The following METTL8 variants were observed in gnomAD, a reference collection of about 807,000 sequenced individuals.
The protein encoded by METTL8 is tRNA N(3)-cytidine methyltransferase METTL8, mitochondrial.
A neutral mutation model predicts 48.7 loss-of-function variants in METTL8; 32 were observed. That is an observed-to-expected ratio of 0.66 (90% CI 0.50 to 0.88). METTL8 has a LOEUF of 0.88. Ranked by LOEUF, METTL8 falls within the 40% of genes least tolerant of loss-of-function variation. The pLI, the probability that METTL8 is intolerant of heterozygous loss-of-function variation, is 0.00. For missense variants in METTL8, 464 were observed against 474.4 expected (o/e 0.98, Z 0.20); for synonymous variants, 136 against 157.1 (o/e 0.87, Z 1.01).
chr2:171,326,676 A>G (rs1684994934), intron 7 of METTL8, among the ~76,000 whole-genome samples: 1 of 152,024 alleles, frequency 6.6e-6, no homozygotes, highest in Admixed American at 6.5e-5. Context: ...TGTCCTCTCC[A>G]TGTGGCCATA....
In METTL8 at chr2:171,326,566, G is replaced by A. The variant is rs539853735; in HGVS notation, c.861-418C>T. 1.2e-3 allele frequency among the ~76,000 whole-genome samples: 179 copies of A among 152,318 alleles called. 1 individual carries two copies. Among genetic ancestry groups the A allele is most frequent in the African/African-American group, 4.0e-3 (168 of 41,568 alleles). ...ATCCCAAGTTGTACATATCTAAAGA[G>A]GGAATATCTTTCCTCCAAAACGAGC... On this transcript the variant is annotated intron_variant, in intron 7 of 9. Transcript: ENST00000375258.
chr2:171,419,735 C>T (rs183050045), intron 1 of METTL8, among the ~76,000 whole-genome samples: 1 of 152,144 alleles, frequency 6.6e-6, no homozygotes, highest in East Asian at 1.9e-4. Context: ...CCTGGAATCC[C>T]CACACTCCTG....
At chr2:171,383,456 C>T (rs939957440) in intron 2 of METTL8, among the ~76,000 whole-genome samples, 1 of 152,032 alleles carries the variant, frequency 6.6e-6, no homozygotes, top group Non-Finnish European at 1.5e-5. Context: ...ATGGAAAATA[C>T]TAGATGCACA....
At chr2:171,335,851 C>G (rs1686029165) in intron 5 of METTL8, among the ~76,000 whole-genome samples, 4 of 152,016 alleles carry the variant, frequency 2.6e-5, no homozygotes, top group Admixed American at 2.0e-4. Context: ...TGAGTGATTC[C>G]CTCCCTCTCC....
intron 7 of METTL8, 96 bp downstream of exon 7, chr2:171,330,463 A>C: frequency 8.2e-7 from 1 of 1,213,532 alleles, no homozygotes; most frequent in Middle Eastern, 2.0e-4. Context: ...ACTAAATAAT[A>C]AATTCAAAAA....
intron 1 of METTL8, among the ~76,000 whole-genome samples, chr2:171,395,277 G>A (rs187462965): frequency 3.8e-4 from 58 of 152,062 alleles, no homozygotes; most frequent in Middle Eastern, 6.8e-3. Flanking sequence ...TCCAAAAGAA[G>A]GCAAGAAAGG....
rs1221390809 is a variant in METTL8 at position 171,360,435 on chromosome 2, A to G, written c.222T>C (p.Leu74=). The change falls in exon 3 of 10, where the codon CTT becomes CTC. Residue 74 remains leucine, a synonymous_variant. Transcript: ENST00000375258. ...GCAGTTGACTACCTTGCTCTTCCAG[A>G]AGGACTCGCACAGCTGAGTTTTCTT... ...KVKENSAVRV[L]LEEQVKYERE... is the part of the protein sequence containing the mutation. 2.5e-6 allele frequency: 4 copies of G among 1,613,804 alleles called. No individual in the cohort carries two copies. The highest frequency in any genetic ancestry group is 1.1e-5 in the South Asian group (1 of 91,054).
chr2:171,430,373 A>C (rs997567923), intron 1 of METTL8, among the ~76,000 whole-genome samples: 6 of 151,858 alleles, frequency 4.0e-5, no homozygotes, highest in Non-Finnish European at 5.9e-5. Flanking sequence ...CAAAAAACAA[A>C]AAAAAAAGGG....
chr2:171,350,442 T>C lies in METTL8; in HGVS notation c.235+9980A>G, dbSNP rs535084345. 1.3e-3 allele frequency among the ~76,000 whole-genome samples: 197 copies of C among 152,354 alleles called. 1 individual carries two copies. The highest frequency in any genetic ancestry group is 4.2e-3 in the African/African-American group (173 of 41,590). ...AAACATACGTGTGCATGTGTCTTTA[T>C]AGCAGCATGATTTATAATCCTTTGG... On this transcript the variant is annotated intron_variant, in intron 3 of 9. Coordinates refer to ENST00000375258, the MANE Select transcript of METTL8 (RefSeq NM_001321154.2).
At chr2:171,396,187 A>C (rs1336632795) in intron 1 of METTL8, among the ~76,000 whole-genome samples, 1 of 152,018 alleles carries the variant, frequency 6.6e-6, no homozygotes, top group Non-Finnish European at 1.5e-5. Context: ...ACTTGAACCC[A>C]GGAGGCGGAG....
chr2:171,317,614 G>A lies in METTL8; in HGVS notation c.*6558C>T, dbSNP rs1684322086. ...TGCTTTTTTTCCCTCTTTATGTAAC[G>A]TTAACGTGTATTTATTCATTCAGCT... On this transcript the variant is annotated 3_prime_UTR_variant, in exon 10 of 10. Coordinates refer to ENST00000375258, the MANE Select transcript of METTL8 (RefSeq NM_001321154.2). The A allele has an allele frequency of 1.3e-5, 2 of 152,252 alleles. No homozygotes were observed. Among genetic ancestry groups the A allele is most frequent in the South Asian group, 2.1e-4 (1 of 4,818 alleles). The allele number at this position is 152,252 out of a possible 1,614,324, so 9.4% of individuals were successfully genotyped here.
intron 1 of METTL8, among the ~76,000 whole-genome samples, chr2:171,419,997 T>C (rs1361236135): frequency 6.6e-6 from 1 of 151,970 alleles, no homozygotes; most frequent in East Asian, 1.9e-4. Flanking sequence ...TTTATAAATA[T>C]GTGATCTCAC....
chr2:171,339,297 C>G lies in METTL8; in HGVS notation c.493G>C (p.Gly165Arg). 1 of 1,612,850 alleles carries G rather than the reference C, an allele frequency of 6.2e-7. No homozygotes were observed. Among genetic ancestry groups the G allele is most frequent in the South Asian group, 1.1e-5 (1 of 90,896 alleles). Residue 165 changes from glycine to arginine, a missense_variant, in exon 4 of 10, where the codon GGT (glycine) becomes CGT (arginine). Physicochemically the swap from Gly to Arg is moderately radical, Grantham distance 125. Transcript: ENST00000375258. ...HYEKSSGSSE[G>R]QSKTESDFSN... The stretch of plus-strand genomic sequence containing the variant: ...AAATCAGATTCTGTTTTGCTTTGAC[C>G]TTCTGAAGAACCAGAACTTTTCTCA...
chr2:171,422,414 T>C (rs946278661), intron 1 of METTL8, among the ~76,000 whole-genome samples: 17 of 152,230 alleles, frequency 1.1e-4, no homozygotes, highest in African/African-American at 4.1e-4. Flanking sequence ...AGGATATCTT[T>C]ATGACCTCAA....
chr2:171,378,824 C>A (rs1021522353), intron 2 of METTL8, among the ~76,000 whole-genome samples: 2 of 152,050 alleles, frequency 1.3e-5, no homozygotes, highest in Non-Finnish European at 2.9e-5. Flanking sequence ...CTTTAACACC[C>A]CACTGTCAAT....
At chr2:171,434,140 G>A, upstream of METTL8, 3 of 346,964 alleles carry the variant, frequency 8.6e-6, no homozygotes, top group East Asian at 8.4e-5. Context: ...GCCTCCGCGG[G>A]CCGGAGGAGG....
intron 6 of METTL8, among the ~76,000 whole-genome samples, chr2:171,331,424 CTTT>C (rs34718824): frequency 7.6e-6 from 1 of 132,124 alleles, no homozygotes; most frequent in Admixed American, 7.9e-5. Context: ...GGCCTTTCAT[CTTT>C]TTTTTTTTTT....
intron 2 of METTL8, among the ~76,000 whole-genome samples, chr2:171,369,768 C>T (rs971614683): frequency 6.6e-6 from 1 of 151,776 alleles, no homozygotes; most frequent in Non-Finnish European, 1.5e-5. Flanking sequence ...AAATTGGATA[C>T]AAAAAATTAT....
chr2:171,429,469 A>G (rs1269419847), intron 1 of METTL8, among the ~76,000 whole-genome samples: 1 of 152,246 alleles, frequency 6.6e-6, no homozygotes, highest in Admixed American at 6.5e-5. Context: ...CACAGAGGAC[A>G]TTCATGATTA....
Sources: allele counts gnomAD v4.1 joint callset (sites outside exome capture counted in the v4.1 genomes callset), GRCh38; gene constraint gnomAD v4.1.1; transcripts MANE v1.5; gene names NCBI Gene and HGNC (gene_info 2026-07-23, HGNC 2026-07-21).